ADCY2: variants seen among roughly 807,000 people sequenced by gnomAD.
ADCY2 encodes the protein adenylate cyclase type 2.
In ADCY2, 31 loss-of-function variants were observed where a neutral mutation model predicts 125.2. The ratio of observed to expected loss-of-function variants is 0.25; its 90% CI spans 0.19 to 0.33. The LOEUF is 0.33. ADCY2 is among the 10% of genes least tolerant of loss of function. The pLI is 1.00. For missense variants in ADCY2, 904 were observed against 1,418.2 expected (o/e 0.64, Z 5.82); for synonymous variants, 512 against 548.4 (o/e 0.93, Z 0.93).
chr5:7,575,751 T>C (rs1031809664), intron 3 of ADCY2, among the ~76,000 whole-genome samples: 16 of 152,162 alleles, frequency 1.1e-4, no homozygotes, highest in Non-Finnish European at 1.9e-4. Context: ...TGTATTTTTA[T>C]ATTCAAATAT....
chr5:7,538,331 T>C (rs1734888329), intron 3 of ADCY2, among the ~76,000 whole-genome samples: 1 of 152,182 alleles, frequency 6.6e-6, no homozygotes, highest in Non-Finnish European at 1.5e-5. Context: ...TTAGCTTCTC[T>C]GGCCATCTGT....
At position 7,802,306 on chromosome 5, in the gene ADCY2, A is replaced by G; in HGVS notation, c.2717A>G (p.Asn906Ser). Reference protein sequence around the residue: ...FKEFYTESDVNKEGLECLRLL... With the variant: ...FKEFYTESDVSKEGLECLRLL... Reference sequence around the variant, plus strand: ...GAATTTTATACAGAATCCGACGTGAACAAGGAGGGCTTGGAATGCCTTCGG... The same window carrying G: ...GAATTTTATACAGAATCCGACGTGAGCAAGGAGGGCTTGGAATGCCTTCGG... Residue 906 changes from asparagine to serine, a missense_variant, in exon 21 of 25, where the codon AAC becomes AGC. Asn to Ser is a conservative substitution (Grantham distance 46). Coordinates refer to ENST00000338316, the MANE Select transcript of ADCY2 (RefSeq NM_020546.3). This position sits in a 1 kb window ranked among gnomAD's most constrained non-coding sequence, Gnocchi z 4.6. The G allele has an allele frequency of 6.2e-7, 1 of 1,614,170 alleles. No individual in the cohort carries two copies. The highest frequency in any genetic ancestry group is 8.5e-7 in the Non-Finnish European group (1 of 1,180,020).
At chr5:7,784,147 A>G (rs750446943) in intron 18 of ADCY2, among the ~76,000 whole-genome samples, 3 of 152,000 alleles carry the variant, frequency 2.0e-5, no homozygotes, top group Non-Finnish European at 4.4e-5. Context: ...GATATAAAGT[A>G]GGAAGTCTGT....
chr5:7,489,544 T>C (rs898397473), intron 2 of ADCY2, among the ~76,000 whole-genome samples: 17 of 152,198 alleles, frequency 1.1e-4, no homozygotes, highest in African/African-American at 3.9e-4. Flanking sequence ...GATAGTTTTA[T>C]AGAGTTCCCC....
At chr5:7,711,002 G>A (rs1741421524) in intron 10 of ADCY2, among the ~76,000 whole-genome samples, 1 of 152,144 alleles carries the variant, frequency 6.6e-6, no homozygotes, top group Non-Finnish European at 1.5e-5. Context: ...AAATACAAGG[G>A]GGAAACCAGA....
chr5:7,717,886 A>G (rs963905138), intron 12 of ADCY2, among the ~76,000 whole-genome samples: 17 of 152,180 alleles, frequency 1.1e-4, no homozygotes, highest in Admixed American at 2.6e-4. Context: ...CAGAAGGCAC[A>G]TGGCTCAGTA....
intron 1 of ADCY2, among the ~76,000 whole-genome samples, chr5:7,408,331 G>C (rs1020282049): frequency 3.9e-5 from 6 of 152,100 alleles, no homozygotes; most frequent in Admixed American, 3.9e-4. Flanking sequence ...GATGTGCACT[G>C]TTTTCATTAT....
At chr5:7,823,035 G>T (rs1745352400) in intron 24 of ADCY2, among the ~76,000 whole-genome samples, 1 of 152,118 alleles carries the variant, frequency 6.6e-6, no homozygotes, top group African/African-American at 2.4e-5. Flanking sequence ...ATTGTTGTCA[G>T]AATGGGCTTT....
chr5:7,624,488 T>C (rs1196066154), intron 3 of ADCY2, among the ~76,000 whole-genome samples: 1 of 152,166 alleles, frequency 6.6e-6, no homozygotes, highest in Non-Finnish European at 1.5e-5. Flanking sequence ...GACATGGAGA[T>C]GACCACCCAC....
intron 2 of ADCY2, among the ~76,000 whole-genome samples, chr5:7,437,950 C>G (rs1268653140): frequency 6.6e-6 from 1 of 152,150 alleles, no homozygotes; most frequent in African/African-American, 2.4e-5. Context: ...TTTTTGTGCT[C>G]CTGTGGTCTG....
chr5:7,819,062 G>T (rs538391094), intron 23 of ADCY2, among the ~76,000 whole-genome samples: 2 of 152,304 alleles, frequency 1.3e-5, no homozygotes, highest in South Asian at 4.2e-4. Context: ...AGGGCAGGAA[G>T]CATCCAGCAC....
At chr5:7,657,769 G>A (rs2973319) in intron 4 of ADCY2, among the ~76,000 whole-genome samples, 94,018 of 152,068 alleles carry the variant, frequency 0.62, 29,489 homozygotes, top group Non-Finnish European at 0.65. Context: ...TGAGGTTTCC[G>A]GGGGTCACAA....
chr5:7,763,028 A>T (rs180896269), intron 16 of ADCY2, among the ~76,000 whole-genome samples: 318 of 148,830 alleles, frequency 2.1e-3, no homozygotes, highest in African/African-American at 7.7e-3. Flanking sequence ...ACAGAGGAAG[A>T]GTGCTTTCAT....
At chr5:7,766,391 C>T (rs192746683) in intron 16 of ADCY2, among the ~76,000 whole-genome samples, 17 of 152,268 alleles carry the variant, frequency 1.1e-4, no homozygotes, top group Non-Finnish European at 2.1e-4. Flanking sequence ...AAGGTGATAT[C>T]GGTTTCAAAT....
chr5:7,689,095 C>T (rs1013586461), intron 4 of ADCY2, among the ~76,000 whole-genome samples: 5 of 152,098 alleles, frequency 3.3e-5, no homozygotes, highest in African/African-American at 7.2e-5. Context: ...GGTTCTGAGA[C>T]GAGAGCGGGA....
intron 15 of ADCY2, among the ~76,000 whole-genome samples, chr5:7,751,062 T>C (rs1742797857): frequency 6.6e-6 from 1 of 152,224 alleles, no homozygotes; most frequent in African/African-American, 2.4e-5. Context: ...TATTTTGTGG[T>C]TTATTTCCTG....
rs138922608 is a variant in ADCY2 at position 7,706,216 on chromosome 5, C to T, written c.1110-528C>T. On this transcript the variant is annotated intron_variant, in intron 7 of 24. Transcript: ENST00000338316. ...TTTTCTCTTTTTGTTGAAGAATGTGCACAACTGGAAAGGCTTAATGTCATG... is the reference window on the plus strand; with the variant it reads ...TTTTCTCTTTTTGTTGAAGAATGTGTACAACTGGAAAGGCTTAATGTCATG... Among the ~76,000 whole-genome samples the T allele has an allele frequency of 4.0e-3, 607 of 152,222 alleles. 4 individuals are homozygous for T. Among genetic ancestry groups the T allele is most frequent in the Non-Finnish European group, 5.7e-3 (388 of 68,020 alleles).
intron 18 of ADCY2, among the ~76,000 whole-genome samples, chr5:7,776,945 G>T (rs553376006): frequency 6.6e-6 from 1 of 152,144 alleles, no homozygotes; most frequent in East Asian, 1.9e-4. Flanking sequence ...GAGGCTTTGG[G>T]ACTTGGACTG....
At position 7,557,148 on chromosome 5, in the gene ADCY2, T is replaced by C. The variant is rs188971236; in HGVS notation, c.570+36249T>C. On this transcript the variant is annotated intron_variant, in intron 3 of 24. Coordinates refer to ENST00000338316, the MANE Select transcript of ADCY2 (RefSeq NM_020546.3). ...AGCAAAAACAGTTTATATATATATATAAACTTTATAGATATATATAATAAT... is the reference window on the plus strand; with the variant it reads ...AGCAAAAACAGTTTATATATATATACAAACTTTATAGATATATATAATAAT... 8.4e-3 allele frequency among the ~76,000 whole-genome samples: 1,102 copies of C among 131,742 alleles called. 10 individuals carry two copies. Among genetic ancestry groups the C allele is most frequent in the Admixed American group, 0.014 (189 of 13,638 alleles). The allele number at this position is 131,742 out of a possible 152,430, so 86.4% of individuals were successfully genotyped here.
Sources: gnomAD v4.1 joint callset for allele counts (sites outside exome capture counted in the v4.1 genomes callset) on GRCh38, gnomAD v4.1.1 for gene constraint, Gnocchi (gnomAD v3.1) non-coding constraint, MANE v1.5 for transcripts, NCBI Gene and HGNC (gene_info 2026-07-23, HGNC 2026-07-21) for gene names.